The following GPAM variants were observed in gnomAD, a reference collection of about 807,000 sequenced individuals.
GPAM encodes glycerol-3-phosphate acyltransferase 1, mitochondrial.
In GPAM, 56 loss-of-function variants were observed where a neutral mutation model predicts 105.0. That is an observed-to-expected ratio of 0.53 (90% CI 0.43 to 0.67). The LOEUF (loss-of-function observed/expected upper bound fraction) is 0.67. Among genes scored for constraint, GPAM ranks in the 30% least tolerant of loss-of-function variants. GPAM has a pLI of 0.00. For missense variants in GPAM, 855 were observed against 989.8 expected (o/e 0.86, Z 1.83); for synonymous variants, 368 against 354.4 (o/e 1.04, Z -0.43).
Position 112,172,259 on chromosome 10 carries a change from G to C in GPAM, c.717C>G (p.Leu239=). The C allele has an allele frequency of 6.2e-7, 1 of 1,609,042 alleles. No individual in the cohort carries two copies. The highest frequency in any genetic ancestry group is 8.5e-7 in the Non-Finnish European group (1 of 1,175,440). ...VHRSHIDYLL[L]TFILFCHNIK... is the part of the protein sequence containing the mutation. ...TGTTATGGCAGAAGAGAATGAAAGT[G>C]AGCAGCAGATAGTCAATATGGGATC... is the stretch of plus-strand genomic sequence containing the variant. The change falls in exon 9 of 22, where the codon CTC becomes CTG. Residue 239 remains leucine, a synonymous_variant. Transcript: ENST00000348367.
intron 12 of GPAM, among the ~76,000 whole-genome samples, chr10:112,165,473 T>C (rs891436567): frequency 1.3e-5 from 2 of 152,188 alleles, no homozygotes; most frequent in Non-Finnish European, 2.9e-5. Flanking sequence ...GCAGATCACC[T>C]GAGGTCAGAA....
intron 19 of GPAM, chr10:112,157,035 T>A (rs544258936): frequency 1.6e-6 from 1 of 620,718 alleles, no homozygotes; most frequent in African/African-American, 1.8e-5. Context: ...ATGACATTCA[T>A]CTTCCTGACT....
rs1430094533 is a variant in GPAM, at chr10:112,182,861, A to C, written c.-97T>G. ...ACTCAGCTATCAGTTTCGGGTGCAG[A>C]ATGTCCATACAACAGGGGAGCCGCT... On this transcript the variant is annotated 5_prime_UTR_variant, in exon 2 of 22. In the 5' UTR this introduces an upstream ATG that the reference lacks. Coordinates refer to ENST00000348367, the MANE Select transcript of GPAM (RefSeq NM_001244949.2). 2 of 152,244 alleles carry C rather than the reference A, an allele frequency of 1.3e-5. No homozygotes were observed. The highest frequency in any genetic ancestry group is 2.4e-5 in the African/African-American group (1 of 41,462). 9.4% of individuals were successfully genotyped at this position (152,244 alleles called of 1,614,324 possible).
intron 1 of GPAM, among the ~76,000 whole-genome samples, chr10:112,195,744 T>G (rs1315628704): frequency 1.3e-5 from 2 of 152,366 alleles, no homozygotes; most frequent in East Asian, 3.9e-4. Flanking sequence ...AATATCTATT[T>G]GTTGAATGTC....
intron 1 of GPAM, among the ~76,000 whole-genome samples, chr10:112,209,053 A>G (rs999549048): frequency 2.0e-5 from 3 of 152,206 alleles, no homozygotes; most frequent in African/African-American, 7.2e-5. Flanking sequence ...GACAGTTGAG[A>G]AGAAACACAT....
intron 16 of GPAM, 22 bp from the exon 17 acceptor site, chr10:112,160,075 T>C (rs762391083): frequency 1.5e-5 from 24 of 1,613,080 alleles, no homozygotes; most frequent in Non-Finnish European, 1.9e-5. Flanking sequence ...AAAGCAACAA[T>C]GAAGTTGCCA....
At chr10:112,175,544 C>A in intron 6 of GPAM, 56 bp downstream of exon 6, 1 of 875,196 alleles carries the variant, frequency 1.1e-6, no homozygotes, top group South Asian at 1.3e-5. Flanking sequence ...TTCCCCCTCC[C>A]ACTCCTACCG....
intron 3 of GPAM, 111 bp from the exon 4 acceptor site, chr10:112,180,706 T>C: frequency 3.0e-6 from 3 of 985,352 alleles, no homozygotes; most frequent in Non-Finnish European, 4.7e-6. Context: ...TGGCATATTC[T>C]GGGTGATTTT....
chr10:112,160,144 A>G (rs905076345), intron 16 of GPAM, 91 bp from the exon 17 acceptor site: 2 of 1,253,438 alleles, frequency 1.6e-6, no homozygotes, highest in African/African-American at 2.9e-5. Context: ...GATTATTAAT[A>G]CATCAAAAAT....
chr10:112,207,451 T>A lies in GPAM; in HGVS notation n.210+7717A>T, dbSNP rs373974333. Among the ~76,000 whole-genome samples, 53 of 152,208 alleles carry A rather than the reference T, an allele frequency of 3.5e-4. 1 individual carries two copies. The highest frequency in any genetic ancestry group is 3.4e-3 in the Middle Eastern group (1 of 292). ...CCCCTGCATAAGCAGCCAGCACAGG[T>A]TCCGAAGGAACACAGTGTCCCCTTA... On this transcript the variant is annotated intron_variant and non_coding_transcript_variant, in intron 1 of 3. Coordinates refer to the GPAM transcript ENST00000480130.
At chr10:112,161,904 C>G (rs1490963534) in intron 14 of GPAM, among the ~76,000 whole-genome samples, 167 bp from the exon 15 acceptor site, 1 of 152,184 alleles carries the variant, frequency 6.6e-6, no homozygotes, top group Admixed American at 6.5e-5. Flanking sequence ...CTACAGTGTT[C>G]TGGTATAATG....
At chr10:112,159,883 C>G (rs966132638) in intron 17 of GPAM, 28 bp downstream of exon 17, 2 of 1,610,646 alleles carry the variant, frequency 1.2e-6, no homozygotes, top group Non-Finnish European at 1.7e-6. Flanking sequence ...GAAAAGAGAC[C>G]AGGCAACACT....
chr10:112,160,167 T>C, intron 16 of GPAM, 114 bp from the exon 17 acceptor site: 1 of 1,090,882 alleles, frequency 9.2e-7, no homozygotes, highest in Non-Finnish European at 1.4e-6. Context: ...TGGCCTGTAT[T>C]TGGAGAAATT....
chr10:112,182,272 A>G (rs1431273704), intron 2 of GPAM, among the ~76,000 whole-genome samples: 1 of 152,190 alleles, frequency 6.6e-6, no homozygotes, highest in Non-Finnish European at 1.5e-5. Context: ...AGGCATGTTT[A>G]TTTAATTAAG....
At chr10:112,198,002 A>C (rs913616989) in intron 1 of GPAM, among the ~76,000 whole-genome samples, 1 of 152,210 alleles carries the variant, frequency 6.6e-6, no homozygotes, top group Non-Finnish European at 1.5e-5. Flanking sequence ...TACACTGTCC[A>C]CAATTGTGAA....
At chr10:112,197,575 G>A (rs139201781) in intron 1 of GPAM, among the ~76,000 whole-genome samples, 5,276 of 148,992 alleles carry the variant, frequency 0.035, 111 homozygotes, top group East Asian at 0.082. Context: ...CCATGCTGGT[G>A]CGCTGCACCC....
chr10:112,166,331 A>G, intron 12 of GPAM, 71 bp downstream of exon 12: 2 of 823,072 alleles, frequency 2.4e-6, no homozygotes, highest in Non-Finnish European at 4.4e-6. Context: ...AGGTGCTGTT[A>G]AGAGTCAGCA....
rs143314982 is a variant in GPAM at position 112,160,672 on chromosome 10, G to A, written c.1691C>T (p.Pro564Leu). The change falls in exon 16 of 22, where the codon CCA becomes CTA. Residue 564 changes from proline to leucine, a missense_variant. Coordinates refer to ENST00000348367, the MANE Select transcript of GPAM (RefSeq NM_001244949.2). ...EFFITPSTTV[P>L]SVFELNFYSN... ...GTAGAAGTTGAGTTCGAAGACTGAT[G>A]GGACAGTTGTGCTGGGGGTGATAAA... is the stretch of plus-strand genomic sequence containing the variant. 1.9e-6 allele frequency: 3 copies of A among 1,613,274 alleles called. No individual in the cohort carries two copies. The highest frequency in any genetic ancestry group is 2.5e-6 in the Non-Finnish European group (3 of 1,179,360).
intron 19 of GPAM, chr10:112,156,721 T>C (rs1229095371): frequency 5.8e-6 from 1 of 173,552 alleles, no homozygotes; most frequent in East Asian, 1.6e-4. Context: ...GTAATCCTCT[T>C]AGAGTATTCA....
Sources: allele counts gnomAD v4.1 joint callset (sites outside exome capture counted in the v4.1 genomes callset), GRCh38; gene constraint gnomAD v4.1.1; transcripts MANE v1.5; gene names NCBI Gene and HGNC (gene_info 2026-07-23, HGNC 2026-07-21).